The following CLDN16 variants were observed in gnomAD, a reference collection of about 807,000 sequenced individuals.
The protein encoded by CLDN16 is claudin-16.
A neutral mutation model predicts 24.6 loss-of-function variants in CLDN16; 13 were observed. That is an observed-to-expected ratio of 0.53 (90% CI 0.34 to 0.84). The LOEUF (loss-of-function observed/expected upper bound fraction) is 0.84, where lower values mean the gene tolerates loss of function less well. Among genes scored for constraint, CLDN16 ranks in the 40% least tolerant of loss-of-function variants. The probability of loss-of-function intolerance (pLI) is 0.01; values close to 1 mark genes in which losing one functional copy is unlikely to be tolerated. For synonymous variants in CLDN16, 116 were observed against 106.7 expected (o/e 1.09, Z -0.54); for missense variants, 298 against 292.7 (o/e 1.02, Z -0.13).
chr3:190,317,050 C>T, the CLDN16 span, among the ~76,000 whole-genome samples: 1 of 152,142 alleles, frequency 6.6e-6, no homozygotes, highest in East Asian at 1.9e-4. Context: ...TGATGAGTGG[C>T]AGAGCAGAGA....
intron 1 of CLDN16, among the ~76,000 whole-genome samples, chr3:190,323,992 G>A (rs1717001039): frequency 1.3e-5 from 2 of 152,306 alleles, no homozygotes; most frequent in South Asian, 4.2e-4. Context: ...CTAGGTCTCA[G>A]TGGATGTTCT....
chr3:190,392,544 C>T (rs567225800), intron 1 of CLDN16, among the ~76,000 whole-genome samples: 7 of 152,094 alleles, frequency 4.6e-5, no homozygotes, highest in Non-Finnish European at 1.0e-4. Context: ...ATAGGTGAAC[C>T]GACAGTTATA....
At chr3:190,318,404 G>A (rs1326925815), upstream of CLDN16, among the ~76,000 whole-genome samples, 1 of 152,132 alleles carries the variant, frequency 6.6e-6, no homozygotes, top group African/African-American at 2.4e-5. Flanking sequence ...AAAGAATTCT[G>A]GCACTGGAAG....
chr3:190,333,872 G>T (rs531547995), intron 1 of CLDN16, among the ~76,000 whole-genome samples: 55 of 151,998 alleles, frequency 3.6e-4, no homozygotes, highest in Non-Finnish European at 5.6e-4. Flanking sequence ...ACTTCAATGG[G>T]GTGAGGGGTA....
At chr3:190,317,542 G>C (rs1273298553), upstream of CLDN16, among the ~76,000 whole-genome samples, 3 of 152,180 alleles carry the variant, frequency 2.0e-5, no homozygotes, top group African/African-American at 7.2e-5. Flanking sequence ...TCTAAAGCTT[G>C]AAAGTCTTGC....
chr3:190,360,537 A>G lies in CLDN16; in HGVS notation n.122-10356A>G, dbSNP rs558509646. 1.2e-4 allele frequency among the ~76,000 whole-genome samples: 19 copies of G among 152,068 alleles called. No individual in the cohort carries two copies. In the East Asian group the frequency reaches 3.7e-3, roughly 30 times the overall value. On this transcript the variant is annotated intron_variant and non_coding_transcript_variant, in intron 1 of 4. Coordinates refer to the CLDN16 transcript ENST00000468220. The stretch of plus-strand genomic sequence containing the variant: ...AAATAGGGAGGATGAATGTGATAAG[A>G]ACAAAATGTAGCTAGAGTTTTCAGT...
rs765304853 is a variant in CLDN16 at position 190,388,437 on chromosome 3, T to G, written c.108T>G (p.Ser36=). ...GTTGGATGGTGAATGCTGATGACTC[T>G]CTGGAGGTAAGAAGATAGCAGCTTC... The part of the protein sequence containing the change: ...TDCWMVNADD[S]LEVSTKCRGL... Residue 36 remains serine, a synonymous_variant, in exon 1 of 5, where the codon TCT becomes TCG. Coordinates refer to ENST00000264734, the MANE Select transcript of CLDN16 (RefSeq NM_006580.4). The G allele has an allele frequency of 6.2e-7, 1 of 1,614,028 alleles. No homozygotes were observed. The highest frequency in any genetic ancestry group is 1.3e-5 in the African/African-American group (1 of 75,020).
chr3:190,404,616 C>T, intron 2 of CLDN16, 146 bp from the exon 3 acceptor site: 1 of 766,712 alleles, frequency 1.3e-6, no homozygotes, highest in Non-Finnish European at 2.3e-6. Context: ...ATTAGGGGTA[C>T]TTATGTTCAA....
At chr3:190,402,915 A>G (rs550708836) in intron 2 of CLDN16, among the ~76,000 whole-genome samples, 1 of 152,188 alleles carries the variant, frequency 6.6e-6, no homozygotes, top group Non-Finnish European at 1.5e-5. Flanking sequence ...AAAGAGGCAG[A>G]CAGCCAGAGA....
chr3:190,375,107 A>G (rs1248323532), intron 3 of CLDN16, among the ~76,000 whole-genome samples: 1 of 151,926 alleles, frequency 6.6e-6, no homozygotes, highest in Non-Finnish European at 1.5e-5. Context: ...TTCATCCCTC[A>G]TTTTTATTTA....
the CLDN16 span, chr3:190,313,144 C>G: frequency 7.8e-7 from 1 of 1,277,446 alleles, no homozygotes; most frequent in Non-Finnish European, 1.1e-6. Context: ...GAAAACTGGA[C>G]TAGGAATCTA....
rs556515872 is a variant in CLDN16, at chr3:190,363,314, A to G, written n.122-7579A>G. The stretch of plus-strand genomic sequence containing the variant: ...GGTTGTTTTTCTACAACTCCCATTT[A>G]TCTCTTTAAACTGGTCCATTTTTTT... On this transcript the variant is annotated intron_variant and non_coding_transcript_variant, in intron 1 of 4. Transcript: ENST00000468220. 2.0e-5 allele frequency among the ~76,000 whole-genome samples: 3 copies of G among 151,440 alleles called. No homozygotes were observed. In the South Asian group the frequency reaches 6.3e-4, roughly 32 times the overall value.
intron 1 of CLDN16, among the ~76,000 whole-genome samples, chr3:190,401,542 G>T (rs1024843605): frequency 2.0e-5 from 3 of 152,236 alleles, no homozygotes; most frequent in South Asian, 4.2e-4. Context: ...GCATGTTTAC[G>T]ATTCTAAGAA....
At chr3:190,343,982 G>A (rs116506686) in intron 1 of CLDN16, among the ~76,000 whole-genome samples, 5,978 of 151,978 alleles carry the variant, frequency 0.039, 391 homozygotes, top group African/African-American at 0.13. Context: ...GTGATAGGGC[G>A]AATAATGAAT....
intron 1 of CLDN16, among the ~76,000 whole-genome samples, chr3:190,400,093 GTTGAAGA>G (rs1243551854): frequency 2.0e-5 from 3 of 152,120 alleles, no homozygotes; most frequent in Non-Finnish European, 4.4e-5. Context: ...TGCCAAAAAG[GTTGAAGA>G]CCACTGGTAT....
chr3:190,382,249 A>T (rs1258587767), intron 3 of CLDN16, among the ~76,000 whole-genome samples: 1 of 152,080 alleles, frequency 6.6e-6, no homozygotes, highest in African/African-American at 2.4e-5. Context: ...AACACCCCCC[A>T]TTGCTTAATC....
At chr3:190,310,433 A>T in the CLDN16 span, among the ~76,000 whole-genome samples, 74 of 152,328 alleles carry the variant, frequency 4.9e-4, no homozygotes, top group African/African-American at 1.7e-3. Context: ...ATCTATTAAA[A>T]TATAAAAAAA....
intron 1 of CLDN16, among the ~76,000 whole-genome samples, chr3:190,400,419 G>C (rs978663267): frequency 2.6e-5 from 4 of 152,086 alleles, no homozygotes; most frequent in African/African-American, 9.6e-5. Flanking sequence ...TTTTAGTAGA[G>C]ACGGGGTTTC....
intron 3 of CLDN16, among the ~76,000 whole-genome samples, chr3:190,382,896 T>G: frequency 6.6e-6 from 1 of 152,136 alleles, no homozygotes; most frequent in Non-Finnish European, 1.5e-5. Context: ...CTAGTTGGGC[T>G]TTATCTTAAA....
Sources: allele counts gnomAD v4.1 joint callset (sites outside exome capture counted in the v4.1 genomes callset), GRCh38; gene constraint gnomAD v4.1.1; transcripts MANE v1.5; gene names NCBI Gene and HGNC (gene_info 2026-07-23, HGNC 2026-07-21).